Variants in CDS2 observed in about 807,000 individuals in gnomAD.
CDS2 encodes the protein CDP-diacylglycerol synthase 2, also known as phosphatidate cytidylyltransferase 2.
In CDS2, 47 loss-of-function variants were observed where a neutral mutation model predicts 59.0. That is an observed-to-expected ratio of 0.80 (90% CI 0.63 to 1.02). The LOEUF is 1.02. Ranked by LOEUF, CDS2 falls within the 50% of genes least tolerant of loss-of-function variation. CDS2 has a pLI of 0.00. For synonymous variants in CDS2, 207 were observed against 206.4 expected (o/e 1.00, Z -0.02); for missense variants, 356 against 558.9 (o/e 0.64, Z 3.66).
intron 1 of CDS2, among the ~76,000 whole-genome samples, chr20:5,130,028 A>G (rs1047819270): frequency 1.3e-5 from 2 of 151,912 alleles, no homozygotes; most frequent in Non-Finnish European, 2.9e-5. Flanking sequence ...GCTGGAGTGC[A>G]ATGGCACAAT....
At chr20:5,140,468 A>G (rs148501904) in intron 1 of CDS2, among the ~76,000 whole-genome samples, 325 of 152,302 alleles carry the variant, frequency 2.1e-3, no homozygotes, top group Non-Finnish European at 3.9e-3. Flanking sequence ...ATTTTAGTCT[A>G]CTGATTACAA....
intron 1 of CDS2, among the ~76,000 whole-genome samples, chr20:5,127,934 G>A (rs1717257561): frequency 6.6e-6 from 1 of 152,106 alleles, no homozygotes; most frequent in African/African-American, 2.4e-5. Flanking sequence ...AGCAGTAGTT[G>A]TGCTTTCCGA....
rs1406963269 is a variant in CDS2, at chr20:5,195,237, G to C, written c.*5003G>C. ...TTTTGTTGAGCTCAGCTGGTAGTTTGACCTCCGTTGGTGCAATGCCAGAGA... is the reference window on the plus strand; with the variant it reads ...TTTTGTTGAGCTCAGCTGGTAGTTTCACCTCCGTTGGTGCAATGCCAGAGA... On this transcript the variant is annotated 3_prime_UTR_variant, in exon 13 of 13. Coordinates refer to ENST00000460006, the MANE Select transcript of CDS2 (RefSeq NM_003818.4). 6.6e-6 allele frequency: 1 copy of C among 152,272 alleles called. No homozygotes were observed. The highest frequency in any genetic ancestry group is 2.4e-5 in the African/African-American group (1 of 41,384). 9.4% of individuals were successfully genotyped at this position (152,272 alleles called of 1,614,324 possible). A position where few individuals can be genotyped will look rare whatever the true frequency, so the allele number is the denominator to read the frequency against.
In CDS2 at chr20:5,192,172, A is replaced by G. The variant is rs891329781; in HGVS notation, c.*1938A>G. The G allele has an allele frequency of 6.6e-6, 1 of 152,148 alleles. No individual in the cohort carries two copies. The highest frequency in any genetic ancestry group is 1.5e-5 in the Non-Finnish European group (1 of 68,074). The allele number at this position is 152,148 out of a possible 1,614,324, so 9.4% of individuals were successfully genotyped here. On this transcript the variant is annotated 3_prime_UTR_variant, in exon 13 of 13. Transcript: ENST00000460006. ...AAACTAGATACCGAAAGGGCTCCTC[A>G]TTTGTCTCTTTTGTCCCATTGTGGG...
intron 1 of CDS2, among the ~76,000 whole-genome samples, chr20:5,137,632 A>C (rs1396613626): frequency 6.6e-6 from 1 of 151,816 alleles, no homozygotes; most frequent in African/African-American, 2.4e-5. Flanking sequence ...TAAAAATTAC[A>C]GAAGTAGGTC....
rs2091098782 is a variant in CDS2 at position 5,189,793 on chromosome 20, A to G, written c.1160A>G (p.Tyr387Cys). 6.2e-7 allele frequency: 1 copy of G among 1,614,038 alleles called. No homozygotes were observed. Among genetic ancestry groups the G allele is most frequent in the Non-Finnish European group, 8.5e-7 (1 of 1,179,994 alleles). The stretch of plus-strand genomic sequence containing the variant: ...ATCATGGATCGCTTTGACTGCCAGT[A>G]TCTGATGGCCACCTTTGTCAATGTA... Reference protein sequence around the residue: ...GGIMDRFDCQYLMATFVNVYI... With the variant: ...GGIMDRFDCQCLMATFVNVYI... Residue 387 changes from tyrosine (Y) to cysteine (C), a missense_variant, in exon 12 of 13, where the codon TAT becomes TGT. By Grantham distance (194) the Tyr-to-Cys change is radical. Transcript: ENST00000460006.
chr20:5,189,165 C>T lies in CDS2; in HGVS notation c.1080C>T (p.Phe360=). 1.2e-6 allele frequency: 2 copies of T among 1,614,136 alleles called. No individual in the cohort carries two copies. Among genetic ancestry groups the T allele is most frequent in the East Asian group, 4.5e-5 (2 of 44,880 alleles). Residue 360 remains phenylalanine, a synonymous_variant, in exon 11 of 13, where the codon TTC becomes TTT. Transcript: ENST00000460006. ...GPFGGFFASG[F]KRAFKIKDFA... ...TTGGAGGATTCTTCGCAAGTGGATT[C>T]AAACGAGCCTTTAAAATCAAAGTAG...
intron 4 of CDS2, among the ~76,000 whole-genome samples, chr20:5,178,024 T>A (rs1055717880): frequency 6.6e-6 from 1 of 152,248 alleles, no homozygotes; most frequent in African/African-American, 2.4e-5. Flanking sequence ...AGAAAAGCTC[T>A]CCACTTTCTT....
At chr20:5,163,783 CTTTCTTTCTTTT>C (rs2090893122) in intron 1 of CDS2, among the ~76,000 whole-genome samples, 1 of 142,612 alleles carries the variant, frequency 7.0e-6, no homozygotes, top group African/African-American at 2.6e-5. Context: ...TTCATAATTT[CTTTCTTTCTTTT>C]TTTTTTTTTT....
At chr20:5,152,764 T>C (rs6053163) in intron 1 of CDS2, among the ~76,000 whole-genome samples, 79,017 of 152,068 alleles carry the variant, frequency 0.52, 21,385 homozygotes, top group African/African-American at 0.65. Flanking sequence ...CACACACACA[T>C]GAATTAGTCT....
chr20:5,165,651 C>T (rs1475190771), intron 1 of CDS2, among the ~76,000 whole-genome samples: 1 of 152,086 alleles, frequency 6.6e-6, no homozygotes, highest in East Asian at 1.9e-4. Context: ...TAGGCTTAGG[C>T]GATCCTCCCA....
At position 5,186,745 on chromosome 20, in the gene CDS2, A is replaced by G. The variant is rs763926975; in HGVS notation, c.887A>G (p.Asp296Gly). 6.2e-7 allele frequency: 1 copy of G among 1,613,994 alleles called. No homozygotes were observed. Among genetic ancestry groups the G allele is most frequent in the Non-Finnish European group, 8.5e-7 (1 of 1,179,976 alleles). The change falls in exon 10 of 13, where the codon GAC becomes GGC. Residue 296 changes from aspartate to glycine, a missense_variant. Asp to Gly is a moderately conservative substitution (Grantham distance 94). Transcript: ENST00000460006. ...CFVCPVEYNN[D>G]TNSFTVDCEP... ...GTCTGCCCTGTGGAGTACAACAATG[A>G]CACCAACAGCTTCACTGTGGACTGT...
chr20:5,137,275 G>A (rs1399061349), intron 1 of CDS2, among the ~76,000 whole-genome samples: 3 of 144,138 alleles, frequency 2.1e-5, no homozygotes, highest in South Asian at 2.2e-4. Flanking sequence ...ATGGAGTCTC[G>A]CCCTGTCGCC....
chr20:5,151,194 C>T (rs2090786402), intron 1 of CDS2, among the ~76,000 whole-genome samples: 1 of 152,188 alleles, frequency 6.6e-6, no homozygotes, highest in Non-Finnish European at 1.5e-5. Context: ...GTTAATGCTA[C>T]ATTGACATAT....
intron 1 of CDS2, among the ~76,000 whole-genome samples, chr20:5,172,928 C>T (rs1200110926): frequency 1.3e-5 from 2 of 152,174 alleles, no homozygotes; most frequent in East Asian, 1.9e-4. Context: ...TCTTTTGTCA[C>T]CCAGGGCCTG....
chr20:5,185,109 TAA>T (rs556162578), intron 8 of CDS2, among the ~76,000 whole-genome samples, 164 bp downstream of exon 8: 2 of 143,136 alleles, frequency 1.4e-5, no homozygotes, highest in African/African-American at 2.6e-5. Context: ...GACAACTGAT[TAA>T]AAAAAAAAAA....
chr20:5,176,526 C>G (rs564714730), intron 3 of CDS2, 122 bp from the exon 4 acceptor site: 227 of 725,882 alleles, frequency 3.1e-4, no homozygotes, highest in Non-Finnish European at 4.7e-4. Context: ...GGAAGCAGAA[C>G]CACTGGAGGC....
Position 5,178,869 on chromosome 20 carries a change from T to A in CDS2, c.442T>A (p.Tyr148Asn). The change falls in exon 5 of 13, where the codon TAC (tyrosine) becomes AAC (asparagine). Residue 148 changes from tyrosine (Y) to asparagine (N), a missense_variant. Physicochemically the swap from Tyr to Asn is moderately radical, Grantham distance 143. Coordinates refer to ENST00000460006, the MANE Select transcript of CDS2 (RefSeq NM_003818.4). ...CTTCTATGGTGAGACAGTGACGGATTACTTCTTCACCCTGGTCCAGAGAGA... is the reference window on the plus strand; with the variant it reads ...CTTCTATGGTGAGACAGTGACGGATAACTTCTTCACCCTGGTCCAGAGAGA... ...YFFYGETVTDYFFTLVQREEP... is the reference protein window; with the variant it reads ...YFFYGETVTDNFFTLVQREEP... The A allele has an allele frequency of 6.2e-7, 1 of 1,614,108 alleles. No individual in the cohort carries two copies. Among genetic ancestry groups the A allele is most frequent in the Non-Finnish European group, 8.5e-7 (1 of 1,179,940 alleles).
At chr20:5,157,777 C>G (rs1323857327) in intron 1 of CDS2, among the ~76,000 whole-genome samples, 1 of 152,158 alleles carries the variant, frequency 6.6e-6, no homozygotes, top group African/African-American at 2.4e-5. Flanking sequence ...ACCTAATCAC[C>G]TTCCAGTAGC....
Sources: gnomAD v4.1 joint callset for allele counts (sites outside exome capture counted in the v4.1 genomes callset) on GRCh38, gnomAD v4.1.1 for gene constraint, MANE v1.5 for transcripts, NCBI Gene and HGNC (gene_info 2026-07-23, HGNC 2026-07-21) for gene names.